The following OPCML variants were observed in gnomAD, a reference collection of about 807,000 sequenced individuals.
OPCML encodes opioid binding protein/cell adhesion molecule like.
OPCML carries 13 observed loss-of-function variants against 37.8 expected under a neutral mutation model. The observed-to-expected ratio is 0.34, with a 90% CI of 0.22 to 0.55. The LOEUF (loss-of-function observed/expected upper bound fraction) is 0.55. Ranked by LOEUF, OPCML falls within the 20% of genes least tolerant of loss-of-function variation. OPCML has a pLI of 0.91. For missense variants in OPCML, 341 were observed against 435.6 expected, an observed-to-expected ratio of 0.78 and a Z score of 1.93; for synonymous variants, 176 against 168.8, an observed-to-expected ratio of 1.04 and a Z score of -0.33.
intron 3 of OPCML, among the ~76,000 whole-genome samples, chr11:132,537,799 A>C (rs2096344955): frequency 6.6e-6 from 1 of 152,216 alleles, no homozygotes; most frequent in Non-Finnish European, 1.5e-5. Flanking sequence ...AATCGCCAAT[A>C]AGCACATAAG....
At chr11:133,167,336 T>C (rs1021729958) in intron 1 of OPCML, among the ~76,000 whole-genome samples, 3 of 152,162 alleles carry the variant, frequency 2.0e-5, no homozygotes, top group Non-Finnish European at 4.4e-5. Context: ...ATAAATACCA[T>C]ATGTGAAACT....
Position 133,219,604 on chromosome 11 carries a change from G to A in OPCML, c.62-276594C>T, listed in dbSNP as rs551554741. ...CTGTCAGGAATTCTGAATCAGGTCTGCAGTGTGATGAGAAGACTTGTATTT... is the reference window on the plus strand; with the variant it reads ...CTGTCAGGAATTCTGAATCAGGTCTACAGTGTGATGAGAAGACTTGTATTT... On this transcript the variant is annotated intron_variant, in intron 1 of 7. Coordinates refer to ENST00000524381, the MANE Select transcript of OPCML (RefSeq NM_001012393.5). Among the ~76,000 whole-genome samples the A allele has an allele frequency of 4.6e-5, 7 of 152,274 alleles. No individual in the cohort carries two copies. In the South Asian group the frequency reaches 1.2e-3, roughly 27 times the overall value.
At chr11:133,487,380 C>T (rs1275371146) in intron 1 of OPCML, among the ~76,000 whole-genome samples, 1 of 152,156 alleles carries the variant, frequency 6.6e-6, no homozygotes, top group Admixed American at 6.6e-5. Flanking sequence ...GCTGTTCCCT[C>T]TGTCTAAAAT....
chr11:132,564,487 AG>A (rs2096417810), intron 3 of OPCML, among the ~76,000 whole-genome samples: 2 of 152,196 alleles, frequency 1.3e-5, no homozygotes, highest in Non-Finnish European at 2.9e-5. Flanking sequence ...TTCTTATGCA[AG>A]AAGGGCTCAG....
intron 1 of OPCML, among the ~76,000 whole-genome samples, chr11:133,442,088 G>A (rs1163555420): frequency 1.3e-5 from 2 of 152,170 alleles, no homozygotes; most frequent in Non-Finnish European, 2.9e-5. Context: ...CTTATAGTGA[G>A]TAGTTTTCCT....
chr11:133,493,294 G>A (rs1947706594), intron 1 of OPCML, among the ~76,000 whole-genome samples: 1 of 152,220 alleles, frequency 6.6e-6, no homozygotes, highest in African/African-American at 2.4e-5. Flanking sequence ...CACCCTTTGG[G>A]GAGATCCATG....
Position 133,406,055 on chromosome 11 carries a change from C to T in OPCML, c.61+126209G>A, listed in dbSNP as rs539826947. Among the ~76,000 whole-genome samples the T allele has an allele frequency of 5.9e-5, 9 of 152,250 alleles. No individual in the cohort carries two copies. In the South Asian group the frequency reaches 1.2e-3, roughly 21 times the overall value. On this transcript the variant is annotated intron_variant, in intron 1 of 7. Coordinates refer to ENST00000524381, the MANE Select transcript of OPCML (RefSeq NM_001012393.5). ...GTGTAATCAGTCGGTCCACTGGGTA[C>T]GGACTGTGTCTAATTGCATGCTGTT...
At chr11:132,426,464 G>A (rs1048128774) in intron 7 of OPCML, among the ~76,000 whole-genome samples, 24 of 152,038 alleles carry the variant, frequency 1.6e-4, no homozygotes, top group Non-Finnish European at 2.9e-4. Flanking sequence ...TTTAGAGACC[G>A]AGTCTCACTC....
At chr11:133,146,905 G>A (rs552822791) in intron 1 of OPCML, among the ~76,000 whole-genome samples, 2 of 152,214 alleles carry the variant, frequency 1.3e-5, no homozygotes, top group South Asian at 4.1e-4. Flanking sequence ...TCTAAAAAGA[G>A]CTGTCCAATT....
At position 133,392,050 on chromosome 11, in the gene OPCML, G is replaced by A. The variant is rs541225844; in HGVS notation, c.61+140214C>T. Among the ~76,000 whole-genome samples the A allele has an allele frequency of 1.2e-4, 18 of 152,252 alleles. No individual in the cohort carries two copies. The South Asian group carries it at 3.7e-3, about 32-fold the overall frequency. On this transcript the variant is annotated intron_variant, in intron 1 of 7. Transcript: ENST00000524381. Reference sequence around the variant, plus strand: ...TATTTTTTTCAAATTACATATAATTGTAATATGCATGTGATATGCAAACTA... The same window carrying A: ...TATTTTTTTCAAATTACATATAATTATAATATGCATGTGATATGCAAACTA...
At chr11:133,141,094 G>GAA (rs1389909400) in intron 1 of OPCML, among the ~76,000 whole-genome samples, 2,556 of 109,218 alleles carry the variant, frequency 0.023, 989 homozygotes, top group African/African-American at 0.093. Context: ...AGAAGAAGAA[G>GAA]GAGAAGAAGA....
chr11:133,484,988 A>G (rs1423726553), intron 1 of OPCML, among the ~76,000 whole-genome samples: 1 of 152,164 alleles, frequency 6.6e-6, no homozygotes, highest in Non-Finnish European at 1.5e-5. Flanking sequence ...AGCAAATATT[A>G]TATGAAATTT....
chr11:133,529,699 C>T (rs1021990420), intron 1 of OPCML, among the ~76,000 whole-genome samples: 2 of 152,162 alleles, frequency 1.3e-5, no homozygotes, highest in African/African-American at 2.4e-5. Flanking sequence ...ATTACATCAG[C>T]CTTTGGTTTT....
chr11:132,933,833 T>C (rs1040816135), intron 2 of OPCML, among the ~76,000 whole-genome samples: 6 of 152,090 alleles, frequency 3.9e-5, no homozygotes, highest in Admixed American at 3.3e-4. Context: ...CGGTACAAAT[T>C]TGAGTTCTGT....
intron 2 of OPCML, among the ~76,000 whole-genome samples, chr11:132,796,385 A>T (rs916190386): frequency 6.6e-6 from 1 of 151,782 alleles, no homozygotes; most frequent in Non-Finnish European, 1.5e-5. Context: ...ATATGTTTTT[A>T]TTTCTCTTGA....
chr11:132,521,308 T>C (rs2096292984), intron 4 of OPCML, among the ~76,000 whole-genome samples: 1 of 152,184 alleles, frequency 6.6e-6, no homozygotes, highest in Non-Finnish European at 1.5e-5. Context: ...TTGCAAAAAG[T>C]TTCTCCCATT....
rs1198535834 is a variant in OPCML at position 133,205,554 on chromosome 11, G to A, written c.62-262544C>T. On this transcript the variant is annotated intron_variant, in intron 1 of 7. Transcript: ENST00000524381. This position sits in a 1 kb window ranked among gnomAD's most constrained non-coding sequence, Gnocchi z 4.8. ...GCCTCACCCTATGGGGACTGACGCCGTCTCCAGGTAGACAGTGTCAGAATT... is the reference window on the plus strand; with the variant it reads ...GCCTCACCCTATGGGGACTGACGCCATCTCCAGGTAGACAGTGTCAGAATT... Among the ~76,000 whole-genome samples, 3 of 152,190 alleles carry A rather than the reference G, an allele frequency of 2.0e-5. No individual in the cohort carries two copies. Among genetic ancestry groups the A allele is most frequent in the African/African-American group, 4.8e-5 (2 of 41,450 alleles).
intron 3 of OPCML, among the ~76,000 whole-genome samples, chr11:132,654,548 GAGAAGGTCCTCCCCAAA>G: frequency 6.7e-6 from 1 of 149,220 alleles, no homozygotes; most frequent in East Asian, 2.0e-4. Context: ...TCCTCCCCAA[GAGAAGGTCCTCCCCAAA>G]AGAACATCAT....
At chr11:133,187,497 G>T (rs1938134113) in intron 1 of OPCML, among the ~76,000 whole-genome samples, 1 of 152,126 alleles carries the variant, frequency 6.6e-6, no homozygotes, top group Non-Finnish European at 1.5e-5. Flanking sequence ...CTATTCAGTT[G>T]CTTCTTTTCG....
Sources: gnomAD v4.1 joint callset for allele counts (sites outside exome capture counted in the v4.1 genomes callset) on GRCh38, gnomAD v4.1.1 for gene constraint, Gnocchi (gnomAD v3.1) non-coding constraint, MANE v1.5 for transcripts, NCBI Gene and HGNC (gene_info 2026-07-23, HGNC 2026-07-21) for gene names.